Variants in FARS2 observed in about 807,000 individuals in gnomAD.
FARS2 encodes the protein phenylalanine--tRNA ligase, mitochondrial.
FARS2 carries 40 observed loss-of-function variants against 46.4 expected under a neutral mutation model. That is an observed-to-expected ratio of 0.86 (90% CI 0.67 to 1.12). The LOEUF (loss-of-function observed/expected upper bound fraction) is 1.12. Ranked by LOEUF, FARS2 falls within the 50% of genes most tolerant of loss-of-function variation. The pLI, the probability that FARS2 is intolerant of heterozygous loss-of-function variation, is 0.00. For synonymous variants in FARS2, 234 were observed against 214.9 expected (o/e 1.09, Z -0.78); for missense variants, 513 against 567.9 (o/e 0.90, Z 0.98).
intron 6 of FARS2, among the ~76,000 whole-genome samples, chr6:5,708,206 C>T (rs1161752437): frequency 6.6e-6 from 1 of 152,110 alleles, no homozygotes; most frequent in African/African-American, 2.4e-5. Context: ...TAGAAAATAG[C>T]CCCTTAATTT....
intron 5 of FARS2, among the ~76,000 whole-genome samples, chr6:5,585,091 G>A (rs947815155): frequency 2.6e-5 from 4 of 152,032 alleles, no homozygotes; most frequent in African/African-American, 7.3e-5. Context: ...TGAAAAGCAA[G>A]CAGAATTATG....
chr6:5,520,113 C>A (rs1769040315), intron 4 of FARS2, among the ~76,000 whole-genome samples: 1 of 152,132 alleles, frequency 6.6e-6, no homozygotes, highest in South Asian at 2.1e-4. Context: ...TAAGGAGGAA[C>A]CTGCCGCACC....
At chr6:5,540,258 C>T (rs927129513) in intron 4 of FARS2, among the ~76,000 whole-genome samples, 3 of 152,156 alleles carry the variant, frequency 2.0e-5, no homozygotes, top group African/African-American at 7.2e-5. Flanking sequence ...TCTGATATTT[C>T]TATTTTGACA....
rs565364682 is a variant in FARS2 at position 5,382,254 on chromosome 6, C to T, written c.612+13072C>T. 3.9e-5 allele frequency among the ~76,000 whole-genome samples: 6 copies of T among 152,270 alleles called. No homozygotes were observed. The South Asian group carries it at 1.0e-3, about 26-fold the overall frequency. Reference sequence around the variant, plus strand: ...CAAGGGAACTTGGGTTAACCTTCTCCAGGGTGATGCTTCTTAATATTTTTA... The same window carrying T: ...CAAGGGAACTTGGGTTAACCTTCTCTAGGGTGATGCTTCTTAATATTTTTA... On this transcript the variant is annotated intron_variant, in intron 2 of 6. Transcript: ENST00000274680.
chr6:5,495,973 A>G (rs1390007414), intron 4 of FARS2, among the ~76,000 whole-genome samples: 1 of 152,214 alleles, frequency 6.6e-6, no homozygotes, highest in Non-Finnish European at 1.5e-5. Flanking sequence ...CACTGTCTGA[A>G]TATGGAAGAA....
chr6:5,334,056 G>A (rs1166999658), intron 1 of FARS2, among the ~76,000 whole-genome samples: 1 of 152,180 alleles, frequency 6.6e-6, no homozygotes, highest in African/African-American at 2.4e-5. Context: ...GAATATGGTG[G>A]CCCTCTGGCT....
chr6:5,364,234 T>G (rs17140267), intron 1 of FARS2, among the ~76,000 whole-genome samples: 8,879 of 152,262 alleles, frequency 0.058, 311 homozygotes, highest in Middle Eastern at 0.14. Flanking sequence ...TATAATCTTT[T>G]CATTATGAGA....
chr6:5,717,935 T>TATAGAGAGAGAGAGAGAGAGAG (rs546191530), intron 6 of FARS2, among the ~76,000 whole-genome samples: 7 of 135,628 alleles, frequency 5.2e-5, no homozygotes, highest in African/African-American at 2.2e-4. Flanking sequence ...TATATATATA[T>TATAGAGAGAGAGAGAGAGAGAG]ACAGAGTCTC....
chr6:5,550,708 A>C (rs1182263840), intron 5 of FARS2, among the ~76,000 whole-genome samples: 1 of 152,074 alleles, frequency 6.6e-6, no homozygotes, highest in African/African-American at 2.4e-5. Context: ...ATTCCAGCTG[A>C]CAGTGTTCCT....
At chr6:5,588,726 T>C (rs1057233950) in intron 5 of FARS2, among the ~76,000 whole-genome samples, 9 of 152,224 alleles carry the variant, frequency 5.9e-5, no homozygotes, top group African/African-American at 2.2e-4. Flanking sequence ...CACCGTTTAT[T>C]TGATTGTCCA....
intron 6 of FARS2, among the ~76,000 whole-genome samples, chr6:5,638,316 G>A (rs1379554391): frequency 6.6e-6 from 1 of 152,240 alleles, no homozygotes; most frequent in Admixed American, 6.5e-5. Context: ...TGTCATCCCA[G>A]CACTTTGGGA....
chr6:5,525,524 T>C (rs1332205926), intron 4 of FARS2, among the ~76,000 whole-genome samples: 1 of 152,216 alleles, frequency 6.6e-6, no homozygotes, highest in Non-Finnish European at 1.5e-5. Flanking sequence ...CAACCTCTGA[T>C]TACCGTAGCT....
chr6:5,281,556 C>T (rs956415977), intron 1 of FARS2, among the ~76,000 whole-genome samples: 19 of 152,168 alleles, frequency 1.2e-4, no homozygotes, highest in African/African-American at 4.6e-4. Flanking sequence ...ACACCACCAT[C>T]ATCCATTTTT....
intron 2 of FARS2, among the ~76,000 whole-genome samples, chr6:5,397,642 C>T (rs988432240): frequency 2.3e-4 from 35 of 152,004 alleles, no homozygotes; most frequent in Non-Finnish European, 3.5e-4. Context: ...GAGACTATGC[C>T]GAATTGAGAA....
At chr6:5,369,401 T>G (rs1262826933) in intron 2 of FARS2, among the ~76,000 whole-genome samples, 1 of 152,144 alleles carries the variant, frequency 6.6e-6, no homozygotes, top group East Asian at 1.9e-4. Context: ...TAAGCCTTAG[T>G]TTCCAGTTGT....
At chr6:5,585,886 C>G (rs890621902) in intron 5 of FARS2, among the ~76,000 whole-genome samples, 14 of 152,114 alleles carry the variant, frequency 9.2e-5, no homozygotes, top group African/African-American at 3.4e-4. Flanking sequence ...ACAGATCTCT[C>G]TTCTAAATAC....
chr6:5,672,236 A>T, intron 6 of FARS2, among the ~76,000 whole-genome samples: 1 of 152,138 alleles, frequency 6.6e-6, no homozygotes, highest in East Asian at 1.9e-4. Flanking sequence ...CTAGCAGGGT[A>T]GGCACACCCA....
rs181084656 is a variant in FARS2, at chr6:5,326,565, T to C, written c.-21-41985T>C. On this transcript the variant is annotated intron_variant, in intron 1 of 6. Transcript: ENST00000274680. ...CGCCCTGACTGGCACCAGCCAGGAT[T>C]AGAGACTGAGTGGCCTGGGGCTCCC... is the stretch of plus-strand genomic sequence containing the variant. Among the ~76,000 whole-genome samples the C allele has an allele frequency of 4.1e-4, 62 of 152,300 alleles. 2 individuals carry two copies. In the East Asian group the frequency reaches 9.5e-3, roughly 23 times the overall value.
At chr6:5,625,656 A>G (rs1022352925) in intron 6 of FARS2, among the ~76,000 whole-genome samples, 1 of 152,206 alleles carries the variant, frequency 6.6e-6, no homozygotes, top group African/African-American at 2.4e-5. Context: ...ATGAGTGGTC[A>G]CAGAGAAATA....
Sources: allele counts gnomAD v4.1 joint callset (sites outside exome capture counted in the v4.1 genomes callset), GRCh38; gene constraint gnomAD v4.1.1; transcripts MANE v1.5; gene names NCBI Gene and HGNC (gene_info 2026-07-23, HGNC 2026-07-21).